Variants in KLF8 observed in about 807,000 individuals in gnomAD.
KLF8 encodes the protein Krueppel-like factor 8.
Under a neutral mutation model 18.2 loss-of-function variants are expected in KLF8, and 10 were observed. That is an observed-to-expected ratio of 0.55 (90% confidence interval 0.34 to 0.93). The LOEUF is 0.93. Among genes scored for constraint, KLF8 ranks in the 40% least tolerant of loss-of-function variants. The pLI, the probability that KLF8 is intolerant of heterozygous loss-of-function variation, is 0.02. For synonymous variants in KLF8, 109 were observed against 97.3 expected (o/e 1.12, Z -0.71); for missense variants, 264 against 277.9 (o/e 0.95, Z 0.36).
the KLF8 span, among the ~76,000 whole-genome samples, chrX:55,930,923 C>T: frequency 8.9e-6 from 1 of 112,024 alleles, no homozygotes; most frequent in South Asian, 3.7e-4. Flanking sequence ...AGGATTCTCT[C>T]TTTTTCTATT....
In KLF8 at chrX:56,265,257, T is replaced by A. The variant is rs770010841; in HGVS notation, c.159T>A (p.Asp53Glu). 2 of 1,209,446 alleles carry A rather than the reference T, an allele frequency of 1.7e-6. No homozygotes were observed. The highest frequency in any genetic ancestry group is 5.9e-5 in the East Asian group (2 of 33,801). The change falls in exon 3 of 6, where the codon GAT (aspartate) becomes GAA (glutamate). Residue 53 changes from aspartate to glutamate, a missense_variant. Physicochemically the swap from Asp to Glu is conservative, Grantham distance 45 (BLOSUM62 2). Around this residue, in one of 2 missense-constraint regions of KLF8, gnomAD observed 221 missense variants for 193.6 expected, o/e 1.14. Transcript: ENST00000468660. ...ATATGACTTCTCCAACACTCCTGGA[T>A]GCCAACCCCATGGAGAACCCAGCAC... is the stretch of plus-strand genomic sequence containing the variant. ...RSNMTSPTLLDANPMENPALF... is the reference protein window; with the variant it reads ...RSNMTSPTLLEANPMENPALF...
chrX:56,141,228 A>G, the KLF8 span, among the ~76,000 whole-genome samples: 2 of 112,032 alleles, frequency 1.8e-5, no homozygotes, highest in Non-Finnish European at 3.8e-5. Flanking sequence ...TGGCCTCCCA[A>G]TGTGCTGGGG....
the KLF8 span, among the ~76,000 whole-genome samples, chrX:55,994,445 A>AT: frequency 4.7e-3 from 415 of 89,130 alleles, 3 homozygotes; most frequent in African/African-American, 0.01. Flanking sequence ...AATTTTTGTT[A>AT]TTTTTTTTTT....
the KLF8 span, among the ~76,000 whole-genome samples, chrX:55,928,840 T>C: frequency 8.9e-6 from 1 of 112,132 alleles, no homozygotes; most frequent in African/African-American, 3.2e-5. Flanking sequence ...TATGTGTGCA[T>C]GTGTCTTTGT....
chrX:56,046,382 G>A, the KLF8 span, among the ~76,000 whole-genome samples: 1 of 110,968 alleles, frequency 9.0e-6, no homozygotes, highest in African/African-American at 3.3e-5. Flanking sequence ...TTAGTACTTT[G>A]GAACACTTAG....
chrX:55,957,126 A>G, the KLF8 span, among the ~76,000 whole-genome samples: 1 of 111,534 alleles, frequency 9.0e-6, no homozygotes, highest in Non-Finnish European at 1.9e-5. Flanking sequence ...CAGTTTCCCT[A>G]ATGCCATTTG....
chrX:56,042,951 T>A, the KLF8 span, among the ~76,000 whole-genome samples: 1 of 112,010 alleles, frequency 8.9e-6, no homozygotes, highest in Non-Finnish European at 1.9e-5. Context: ...TTTTGTAGTG[T>A]CTGGTAATGG....
chrX:56,263,560 A>G (rs970521086), intron 2 of KLF8, among the ~76,000 whole-genome samples: 1 of 111,249 alleles, frequency 9.0e-6, no homozygotes, highest in Admixed American at 9.6e-5. Flanking sequence ...ATTATAGATC[A>G]CTGCAGCGCT....
At chrX:56,022,070 A>G in the KLF8 span, among the ~76,000 whole-genome samples, 2 of 111,650 alleles carry the variant, frequency 1.8e-5, no homozygotes, top group African/African-American at 6.5e-5. Context: ...CACATAAAAT[A>G]TCTGAATTTA....
the KLF8 span, among the ~76,000 whole-genome samples, chrX:56,194,761 G>C: frequency 8.9e-6 from 1 of 112,237 alleles, no homozygotes; most frequent in Admixed American, 9.4e-5. Flanking sequence ...CCTCAAGTGG[G>C]TCCCTGACCC....
the KLF8 span, among the ~76,000 whole-genome samples, chrX:56,067,978 C>T: frequency 8.9e-6 from 1 of 112,118 alleles, no homozygotes; most frequent in Non-Finnish European, 1.9e-5. Flanking sequence ...GGCTTGAATT[C>T]GGCCAGCTAT....
At chrX:56,009,070 G>A in the KLF8 span, among the ~76,000 whole-genome samples, 5 of 110,948 alleles carry the variant, frequency 4.5e-5, no homozygotes, top group African/African-American at 1.6e-4. Context: ...GCACCAAGGG[G>A]CAACCAGAGG....
At chrX:56,038,791 A>G in the KLF8 span, among the ~76,000 whole-genome samples, 1 of 112,185 alleles carries the variant, frequency 8.9e-6, no homozygotes, top group African/African-American at 3.2e-5. Context: ...GAACTGCCAC[A>G]CTCTCTTACA....
chrX:55,983,637 A>G, the KLF8 span, among the ~76,000 whole-genome samples: 1 of 112,202 alleles, frequency 8.9e-6, no homozygotes, highest in African/African-American at 3.2e-5. Flanking sequence ...AAATTTTTAA[A>G]TAAATAGCTT....
chrX:56,003,429 A>T, the KLF8 span, among the ~76,000 whole-genome samples: 1 of 108,713 alleles, frequency 9.2e-6, no homozygotes, highest in Admixed American at 9.9e-5. Context: ...TAAATAAATA[A>T]ATAAATAAAT....
At chrX:56,082,250 G>A in the KLF8 span, among the ~76,000 whole-genome samples, 1 of 111,414 alleles carries the variant, frequency 9.0e-6, no homozygotes, top group Non-Finnish European at 1.9e-5. Flanking sequence ...ACAATTGTTT[G>A]TATTATCCAC....
At chrX:56,169,027 G>T in the KLF8 span, among the ~76,000 whole-genome samples, 2 of 111,640 alleles carry the variant, frequency 1.8e-5, no homozygotes, top group Non-Finnish European at 3.8e-5. Context: ...TTCCATAGCA[G>T]TCAGAGACAT....
chrX:56,007,122 G>A, the KLF8 span, among the ~76,000 whole-genome samples: 4 of 112,363 alleles, frequency 3.6e-5, no homozygotes, highest in African/African-American at 1.3e-4. Context: ...AGCTCCATAT[G>A]TCCCAGAGGC....
the KLF8 span, among the ~76,000 whole-genome samples, chrX:55,997,159 A>G: frequency 1.8e-5 from 2 of 111,694 alleles, no homozygotes; most frequent in Non-Finnish European, 3.8e-5. Context: ...GGGGAGGCTG[A>G]TATACAGTAG....
Sources: allele counts gnomAD v4.1 joint callset (sites outside exome capture counted in the v4.1 genomes callset), GRCh38; gene constraint gnomAD v4.1.1; regional missense constraint gnomAD v4.1.1; transcripts MANE v1.5; gene names NCBI Gene and HGNC (gene_info 2026-07-23, HGNC 2026-07-21).